The following MAK variants were observed in gnomAD, a reference collection of about 807,000 sequenced individuals.
The protein encoded by MAK is male germ cell associated kinase.
In MAK, 65 loss-of-function variants were observed where a neutral mutation model predicts 82.6. The observed-to-expected ratio is 0.79, with a 90% CI of 0.64 to 0.97. The LOEUF (loss-of-function observed/expected upper bound fraction) is 0.97, where lower values mean the gene tolerates loss of function less well. Among genes scored for constraint, MAK ranks in the 50% least tolerant of loss-of-function variants. The probability of loss-of-function intolerance (pLI) is 0.00; values close to 1 mark genes in which losing one functional copy is unlikely to be tolerated. For synonymous variants in MAK, 250 were observed against 274.2 expected (o/e 0.91, Z 0.87); for missense variants, 703 against 780.2 (o/e 0.90, Z 1.18).
chr6:10,798,416 T>G (rs1775745375), intron 8 of MAK, among the ~76,000 whole-genome samples: 1 of 152,118 alleles, frequency 6.6e-6, no homozygotes, highest in African/African-American at 2.4e-5. Flanking sequence ...CCCGGCCAAC[T>G]CTTCCCTTTT....
At chr6:10,832,754 C>T (rs1778899895) in intron 1 of MAK, among the ~76,000 whole-genome samples, 2 of 152,226 alleles carry the variant, frequency 1.3e-5, no homozygotes, top group Admixed American at 6.5e-5. Flanking sequence ...CTGCCTCCAC[C>T]TCCCGATGTG....
chr6:10,781,945 C>T (rs936734378), intron 11 of MAK, among the ~76,000 whole-genome samples: 7 of 152,156 alleles, frequency 4.6e-5, no homozygotes, highest in African/African-American at 1.7e-4. Context: ...TTGTGGTTCA[C>T]GCCTGTAATC....
At chr6:10,781,730 A>T (rs527427910) in intron 11 of MAK, among the ~76,000 whole-genome samples, 4 of 152,076 alleles carry the variant, frequency 2.6e-5, no homozygotes, top group Non-Finnish European at 5.9e-5. Context: ...GGCCTCATTA[A>T]CTATTTTAAT....
chr6:10,779,456 G>A (rs1773762620), intron 11 of MAK: 1 of 985,300 alleles, frequency 1.0e-6, no homozygotes, highest in Non-Finnish European at 1.2e-6. Context: ...GAAGGCCAGT[G>A]TCACAGATCC....
chr6:10,797,238 A>G (rs932846803), intron 8 of MAK, among the ~76,000 whole-genome samples: 3 of 152,192 alleles, frequency 2.0e-5, no homozygotes, highest in African/African-American at 7.2e-5. Context: ...ATTATGAAAA[A>G]TGATCACTGT....
chr6:10,811,936 C>G (rs1776964514), intron 5 of MAK, among the ~76,000 whole-genome samples: 1 of 152,040 alleles, frequency 6.6e-6, no homozygotes, highest in South Asian at 2.1e-4. Context: ...GTGATGGCTC[C>G]TGCCTGTAAT....
At chr6:10,777,796 G>A (rs764828064) in intron 11 of MAK, among the ~76,000 whole-genome samples, 5 of 151,940 alleles carry the variant, frequency 3.3e-5, no homozygotes, top group Non-Finnish European at 7.4e-5. Flanking sequence ...GCGCCATCAC[G>A]CCCGGCTAAT....
At chr6:10,770,673 T>C (rs1377219337) in intron 13 of MAK, among the ~76,000 whole-genome samples, 1 of 152,230 alleles carries the variant, frequency 6.6e-6, no homozygotes, top group Non-Finnish European at 1.5e-5. Context: ...AGGGTTGTTG[T>C]AGGGATTGAT....
intron 8 of MAK, among the ~76,000 whole-genome samples, chr6:10,801,033 T>A (rs927618960): frequency 3.3e-5 from 5 of 152,150 alleles, no homozygotes; most frequent in African/African-American, 1.2e-4. Context: ...CAGCTATTTG[T>A]CAATTCTTAT....
chr6:10,766,328 C>T (rs1004422425), intron 14 of MAK, among the ~76,000 whole-genome samples: 2 of 152,230 alleles, frequency 1.3e-5, no homozygotes, highest in Non-Finnish European at 2.9e-5. Flanking sequence ...AAGCTACTAA[C>T]TTCAGCATGG....
chr6:10,783,505 T>C (rs935037527), intron 11 of MAK, among the ~76,000 whole-genome samples: 2 of 152,212 alleles, frequency 1.3e-5, no homozygotes, highest in Non-Finnish European at 2.9e-5. Flanking sequence ...CCTCAGATGC[T>C]GCCACTAATT....
intron 9 of MAK, among the ~76,000 whole-genome samples, chr6:10,792,192 CCTT>C (rs1269336101): frequency 9.2e-5 from 14 of 152,172 alleles, no homozygotes; most frequent in Admixed American, 1.3e-4. Context: ...TTAGTGTCCT[CCTT>C]AAGTGGGGAC....
intron 9 of MAK, among the ~76,000 whole-genome samples, chr6:10,795,261 G>A (rs1237749343): frequency 2.0e-5 from 3 of 152,020 alleles, no homozygotes; most frequent in African/African-American, 7.2e-5. Context: ...AGACCAGCCT[G>A]GCCAACATGG....
At chr6:10,812,306 C>T (rs1032269904) in intron 5 of MAK, among the ~76,000 whole-genome samples, 29 of 152,222 alleles carry the variant, frequency 1.9e-4, no homozygotes, top group Non-Finnish European at 3.8e-4. Flanking sequence ...TGGTATGGGA[C>T]AAACTTTTCT....
In MAK at chr6:10,793,726, C is replaced by T. The variant is rs1322859903; in HGVS notation, c.1144-1879G>A. Among the ~76,000 whole-genome samples, 1 of 152,160 alleles carries T rather than the reference C, an allele frequency of 6.6e-6. No individual in the cohort carries two copies. On this transcript the variant is annotated intron_variant, in intron 9 of 14. Transcript: ENST00000354489. The surrounding 1 kb of genome is among the most constrained non-coding windows in gnomAD (Gnocchi z 4.6). ...TCTTTAACTTAGAGAATGCACACAGCGTCCCTCGCATATGCATGGCACTTG... is the reference window on the plus strand; with the variant it reads ...TCTTTAACTTAGAGAATGCACACAGTGTCCCTCGCATATGCATGGCACTTG...
At chr6:10,816,488 A>G (rs1777515614) in intron 4 of MAK, among the ~76,000 whole-genome samples, 2 of 152,162 alleles carry the variant, frequency 1.3e-5, no homozygotes, top group African/African-American at 2.4e-5. Flanking sequence ...TATCATTTCA[A>G]TATTTTAAAG....
intron 6 of MAK, among the ~76,000 whole-genome samples, chr6:10,806,415 G>A (rs1312341844): frequency 9.2e-5 from 14 of 151,398 alleles, no homozygotes; most frequent in African/African-American, 2.9e-4. Context: ...TGCAAGCTCC[G>A]CCTCCCAGGT....
rs1375339000 is a variant in MAK at position 10,776,911 on chromosome 6, C to G, written c.1466-1452G>C. Among the ~76,000 whole-genome samples, 2 of 150,774 alleles carry G rather than the reference C, an allele frequency of 1.3e-5. No homozygotes were observed. ...ACCAGCTTGGCCAACATAGTGAAAC[C>G]CCATCTCTACTAAAAACACAAAAAT... On this transcript the variant is annotated intron_variant, in intron 11 of 14. Coordinates refer to ENST00000354489, the MANE Select transcript of MAK (RefSeq NM_001242957.3). The surrounding 1 kb of genome is among the most constrained non-coding windows in gnomAD (Gnocchi z 4.3).
intron 8 of MAK, among the ~76,000 whole-genome samples, chr6:10,799,822 TG>T (rs760508980): frequency 6.6e-6 from 1 of 151,796 alleles, no homozygotes. Context: ...CCGAGGTGGG[TG>T]GATCACCTAA....
Sources: gnomAD v4.1 joint callset for allele counts (sites outside exome capture counted in the v4.1 genomes callset) on GRCh38, gnomAD v4.1.1 for gene constraint, Gnocchi (gnomAD v3.1) non-coding constraint, MANE v1.5 for transcripts, NCBI Gene and HGNC (gene_info 2026-07-23, HGNC 2026-07-21) for gene names.